WWOX: variants seen among roughly 807,000 people sequenced by gnomAD.
The protein encoded by WWOX is WW domain containing oxidoreductase, also known as WW domain-containing oxidoreductase.
Under a neutral mutation model 46.2 loss-of-function variants are expected in WWOX, and 69 were observed. That is an observed-to-expected ratio of 1.49 (90% confidence interval 1.23 to 1.82). WWOX has a LOEUF of 1.82. Ranked by LOEUF, WWOX falls within the 40% of genes most tolerant of loss-of-function variation. The probability of loss-of-function intolerance (pLI) is 0.00; values close to 1 mark genes in which losing one functional copy is unlikely to be tolerated. For synonymous variants in WWOX, 359 were observed against 202.6 expected (o/e 1.77, Z -6.56); for missense variants, 919 against 542.6 (o/e 1.69, Z -6.89).
intron 5 of WWOX, among the ~76,000 whole-genome samples, chr16:78,289,927 A>T (rs570395967): frequency 1.3e-5 from 2 of 152,268 alleles, no homozygotes; most frequent in East Asian, 3.9e-4. Flanking sequence ...CACTTAAAAA[A>T]TTTTTCTAAG....
intron 8 of WWOX, among the ~76,000 whole-genome samples, chr16:79,126,332 T>C (rs2049753603): frequency 6.6e-6 from 1 of 152,142 alleles, no homozygotes. Context: ...TGGCTCTGTG[T>C]CCCAACTCAA....
At chr16:78,421,535 C>T (rs941286976) in intron 6 of WWOX, among the ~76,000 whole-genome samples, 1 of 152,094 alleles carries the variant, frequency 6.6e-6, no homozygotes, top group African/African-American at 2.4e-5. Flanking sequence ...CAAATAAGGT[C>T]GCATTCACAG....
rs186771926 is a variant in WWOX, at chr16:78,980,933, T to A, written c.1057-230675T>A. Among the ~76,000 whole-genome samples the A allele has an allele frequency of 1.2e-4, 19 of 152,280 alleles. No homozygotes were observed. The East Asian group carries it at 2.9e-3, about 23-fold the overall frequency. On this transcript the variant is annotated intron_variant, in intron 8 of 8. Transcript: ENST00000566780. Reference sequence around the variant, plus strand: ...CCGTTTTTATTGTCTTCAGAAATGTTGAGATCGAGTGATATAAAGTCACAG... The same window carrying A: ...CCGTTTTTATTGTCTTCAGAAATGTAGAGATCGAGTGATATAAAGTCACAG...
At chr16:78,120,527 G>A (rs186582354) in intron 4 of WWOX, among the ~76,000 whole-genome samples, 109 of 150,002 alleles carry the variant, frequency 7.3e-4, no homozygotes, top group African/African-American at 2.6e-3. Flanking sequence ...CTGAGATTGC[G>A]CCACTGCAGT....
intron 8 of WWOX, among the ~76,000 whole-genome samples, chr16:78,797,536 C>G (rs2050775295): frequency 6.6e-6 from 1 of 152,132 alleles, no homozygotes; most frequent in Admixed American, 6.5e-5. Context: ...GATTGAGGCA[C>G]TGTTCCAACT....
intron 6 of WWOX, among the ~76,000 whole-genome samples, chr16:78,391,746 G>T (rs1175219036): frequency 6.6e-6 from 1 of 152,148 alleles, no homozygotes; most frequent in Non-Finnish European, 1.5e-5. Context: ...TACTCAGGAG[G>T]CTGAGGCATG....
chr16:78,549,984 C>T lies in WWOX; in HGVS notation c.1056+117232C>T, dbSNP rs182172172. On this transcript the variant is annotated intron_variant, in intron 8 of 8. Coordinates refer to ENST00000566780, the MANE Select transcript of WWOX (RefSeq NM_016373.4). ...GGACTGAAAATTCCCATCCCACCCC[C>T]GCAACAATGAAGGGAAATGCCTAGG... 1.5e-4 allele frequency among the ~76,000 whole-genome samples: 23 copies of T among 152,210 alleles called. No individual in the cohort carries two copies. In the South Asian group the frequency reaches 2.1e-3, roughly 14 times the overall value.
chr16:78,958,156 A>C (rs1443766800), intron 8 of WWOX, among the ~76,000 whole-genome samples: 2 of 152,320 alleles, frequency 1.3e-5, no homozygotes, highest in African/African-American at 4.8e-5. Context: ...TCACACGGCG[A>C]AGGAAATTCC....
chr16:78,121,243 C>G (rs1180289365), intron 4 of WWOX, among the ~76,000 whole-genome samples: 2 of 152,184 alleles, frequency 1.3e-5, no homozygotes, highest in Non-Finnish European at 2.9e-5. Context: ...GGCATTGGAA[C>G]TCCATTTTAA....
At chr16:78,326,119 C>G (rs1439992984) in intron 5 of WWOX, among the ~76,000 whole-genome samples, 1 of 152,124 alleles carries the variant, frequency 6.6e-6, no homozygotes, top group Non-Finnish European at 1.5e-5. Flanking sequence ...AAGTCCAGGG[C>G]TCTTAGAAAC....
chr16:78,136,612 C>T lies in WWOX; in HGVS notation c.409+21458C>T, dbSNP rs550872498. 1.2e-4 allele frequency among the ~76,000 whole-genome samples: 18 copies of T among 152,276 alleles called. No homozygotes were observed. The South Asian group carries it at 1.4e-3, about 12-fold the overall frequency. On this transcript the variant is annotated intron_variant, in intron 4 of 8. Transcript: ENST00000566780. The stretch of plus-strand genomic sequence containing the variant: ...TCTTAAATTACAGAGACTTGAGGAA[C>T]GTAGAGCTTTTTACTCTCACTAGAG...
At chr16:78,896,458 G>A (rs896424963) in intron 8 of WWOX, 1 of 152,136 alleles carries the variant, frequency 6.6e-6, no homozygotes, top group Non-Finnish European at 1.5e-5. Flanking sequence ...GCAAACTTGT[G>A]AGGCCAGCGT....
intron 8 of WWOX, among the ~76,000 whole-genome samples, chr16:79,170,836 G>C (rs573353899): frequency 6.6e-6 from 1 of 152,120 alleles, no homozygotes; most frequent in Non-Finnish European, 1.5e-5. Context: ...GTCTTTCCAG[G>C]TTTGAGGGTG....
intron 8 of WWOX, among the ~76,000 whole-genome samples, chr16:78,977,701 TCAGCAG>T (rs2046600534): frequency 6.6e-6 from 1 of 152,042 alleles, no homozygotes; most frequent in African/African-American, 2.4e-5. Context: ...GCTCGGATCA[TCAGCAG>T]GGGCAGGGGG....
At chr16:78,811,627 T>G (rs2051191800) in intron 8 of WWOX, among the ~76,000 whole-genome samples, 1 of 152,074 alleles carries the variant, frequency 6.6e-6, no homozygotes. Context: ...TGCCTCAGTC[T>G]CCCAAAGTGC....
chr16:78,526,301 C>G (rs927835916), intron 8 of WWOX: 1 of 152,362 alleles, frequency 6.6e-6, no homozygotes, highest in Non-Finnish European at 1.5e-5. Context: ...CGCTGCTGGT[C>G]CTGGATCCTT....
At position 79,212,081 on chromosome 16, in the gene WWOX, TC is replaced by T; in HGVS notation, c.*288del. 1 of 1,536,284 alleles carries T rather than the reference TC, an allele frequency of 6.5e-7. No individual in the cohort carries two copies. The highest frequency in any genetic ancestry group is 8.7e-7 in the Non-Finnish European group (1 of 1,146,910). On this transcript the variant is annotated 3_prime_UTR_variant, in exon 9 of 9. Coordinates refer to ENST00000566780, the MANE Select transcript of WWOX (RefSeq NM_016373.4). ...CTGCTTGGTGTGTAGGTTCCGTATCTCCCTGGAGAAGCACCAGCAATTCTCT... is the reference window on the plus strand; with the variant it reads ...CTGCTTGGTGTGTAGGTTCCGTATCTCCTGGAGAAGCACCAGCAATTCTCT...
At chr16:78,927,777 A>C (rs749546702) in intron 8 of WWOX, among the ~76,000 whole-genome samples, 1 of 152,130 alleles carries the variant, frequency 6.6e-6, no homozygotes, top group African/African-American at 2.4e-5. Context: ...GCGTGGGGGA[A>C]TTTGCCTGTG....
chr16:78,871,376 TG>T (rs1161102690), intron 8 of WWOX, among the ~76,000 whole-genome samples: 2 of 152,124 alleles, frequency 1.3e-5, no homozygotes, highest in African/African-American at 4.8e-5. Context: ...ATTAAAGCCT[TG>T]TAATGATGTT....
Sources: allele counts gnomAD v4.1 joint callset (sites outside exome capture counted in the v4.1 genomes callset), GRCh38; gene constraint gnomAD v4.1.1; transcripts MANE v1.5; gene names NCBI Gene and HGNC (gene_info 2026-07-23, HGNC 2026-07-21).